Variants in CWC27 observed in about 807,000 individuals in gnomAD.
CWC27 encodes the protein CWC27 spliceosome associated cyclophilin.
CWC27 carries 47 observed loss-of-function variants against 63.6 expected under a neutral mutation model. The observed-to-expected ratio is 0.74, with a 90% confidence interval of 0.58 to 0.94. CWC27 has a LOEUF of 0.94. Ranked by LOEUF, CWC27 falls within the 40% of genes least tolerant of loss-of-function variation. The probability of loss-of-function intolerance (pLI) is 0.00; values close to 1 mark genes in which losing one functional copy is unlikely to be tolerated. For synonymous variants in CWC27, 175 were observed against 179.8 expected (o/e 0.97, Z 0.22); for missense variants, 495 against 554.3 (o/e 0.89, Z 1.07).
intron 11 of CWC27, among the ~76,000 whole-genome samples, chr5:64,952,405 G>T (rs1471444535): frequency 1.3e-5 from 2 of 151,928 alleles, no homozygotes; most frequent in East Asian, 1.9e-4. Context: ...GCCATTTTGT[G>T]CACTAGAAAC....
At chr5:64,840,396 T>TAC (rs1745797212) in intron 10 of CWC27, among the ~76,000 whole-genome samples, 8 of 28,886 alleles carry the variant, frequency 2.8e-4, no homozygotes, top group Admixed American at 7.7e-4. Flanking sequence ...AAAAAAAAAA[T>TAC]ATATATATAT....
chr5:64,916,135 C>T lies in CWC27; in HGVS notation c.1042+30589C>T, dbSNP rs76044786. 6.6e-3 allele frequency among the ~76,000 whole-genome samples: 1,011 copies of T among 152,292 alleles called. 12 individuals are homozygous for T. The highest frequency in any genetic ancestry group is 0.023 in the African/African-American group (950 of 41,568). ...TTAATATGCCCACTAAAGATTTTCC[C>T]GTTCAACAATGAAATTACATTTTAT... On this transcript the variant is annotated intron_variant, in intron 11 of 13. Coordinates refer to ENST00000381070, the MANE Select transcript of CWC27 (RefSeq NM_005869.4).
intron 13 of CWC27, among the ~76,000 whole-genome samples, chr5:64,996,973 CCAAA>C: frequency 6.6e-6 from 1 of 152,066 alleles, no homozygotes; most frequent in South Asian, 2.1e-4. Flanking sequence ...AGTAATAAGG[CCAAA>C]CAAATGACTT....
At chr5:64,776,027 A>G (rs1326139773) in intron 2 of CWC27, among the ~76,000 whole-genome samples, 1 of 150,872 alleles carries the variant, frequency 6.6e-6, no homozygotes, top group Non-Finnish European at 1.5e-5. Context: ...ATACCCAGAT[A>G]CCACCCCCTC....
chr5:64,882,427 A>T (rs528191389), intron 10 of CWC27, among the ~76,000 whole-genome samples: 1 of 152,284 alleles, frequency 6.6e-6, no homozygotes, highest in East Asian at 1.9e-4. Flanking sequence ...GGCTAGTCTC[A>T]ATTGAGATTT....
chr5:64,971,886 T>G, intron 12 of CWC27, 74 bp downstream of exon 12: 1 of 840,958 alleles, frequency 1.2e-6, no homozygotes. Context: ...AAATGGAGCC[T>G]AATTTGATTA....
At chr5:64,847,252 A>G (rs1237847704) in intron 10 of CWC27, among the ~76,000 whole-genome samples, 1 of 152,212 alleles carries the variant, frequency 6.6e-6, no homozygotes, top group Non-Finnish European at 1.5e-5. Flanking sequence ...CATACATAAG[A>G]CAAAGTTGAT....
intron 11 of CWC27, among the ~76,000 whole-genome samples, chr5:64,922,500 A>G (rs1263639192): frequency 1.3e-4 from 20 of 152,030 alleles, no homozygotes. Flanking sequence ...TCTTTCTTTA[A>G]ATGGTTATTT....
chr5:64,940,092 C>T (rs1289742587), intron 11 of CWC27, among the ~76,000 whole-genome samples: 1 of 152,166 alleles, frequency 6.6e-6, no homozygotes, highest in Non-Finnish European at 1.5e-5. Context: ...CCACTTATCT[C>T]CCTGACTTCA....
intron 10 of CWC27, among the ~76,000 whole-genome samples, chr5:64,856,210 ATACT>A (rs1450697045): frequency 1.3e-5 from 2 of 152,092 alleles, no homozygotes; most frequent in Non-Finnish European, 2.9e-5. Context: ...ATCAATATCA[ATACT>A]TATGGACAAT....
chr5:64,823,354 G>A (rs1436210138), intron 10 of CWC27, among the ~76,000 whole-genome samples: 1 of 152,110 alleles, frequency 6.6e-6, no homozygotes, highest in African/African-American at 2.4e-5. Context: ...AATTTGTCAG[G>A]TAATTGACAA....
intron 13 of CWC27, among the ~76,000 whole-genome samples, chr5:65,007,579 CA>C (rs1397370367): frequency 4.0e-5 from 6 of 151,754 alleles, no homozygotes; most frequent in Non-Finnish European, 8.8e-5. Flanking sequence ...TGTATCCTCA[CA>C]TGGTCTTTCT....
chr5:64,905,568 A>G (rs1319482046), intron 11 of CWC27, among the ~76,000 whole-genome samples: 1 of 152,218 alleles, frequency 6.6e-6, no homozygotes, highest in Non-Finnish European at 1.5e-5. Flanking sequence ...TAATTTATGT[A>G]AATTTGAATA....
chr5:65,010,467 A>C (rs1191562985), intron 13 of CWC27, among the ~76,000 whole-genome samples: 1 of 152,226 alleles, frequency 6.6e-6, no homozygotes. Flanking sequence ...TGTAATCCAC[A>C]GTCCCATAGA....
intron 13 of CWC27, among the ~76,000 whole-genome samples, chr5:64,985,084 TATATTA>T (rs1232502789): frequency 6.6e-6 from 1 of 152,230 alleles, no homozygotes; most frequent in Non-Finnish European, 1.5e-5. Context: ...CACAGTTGGC[TATATTA>T]ATATGGGTCT....
chr5:64,794,422 A>G (rs748951911), intron 7 of CWC27, among the ~76,000 whole-genome samples: 1 of 152,162 alleles, frequency 6.6e-6, no homozygotes, highest in Non-Finnish European at 1.5e-5. Context: ...CTGAATAGGT[A>G]TGACATAATA....
At chr5:64,772,631 A>C (rs1366670005) in intron 1 of CWC27, among the ~76,000 whole-genome samples, 14 of 125,868 alleles carry the variant, frequency 1.1e-4, no homozygotes, top group African/African-American at 5.0e-4. Flanking sequence ...TCTCAAAAAA[A>C]AAAAAAAAAA....
At chr5:64,779,652 ACT>A (rs1450583059) in intron 2 of CWC27, among the ~76,000 whole-genome samples, 3 of 152,086 alleles carry the variant, frequency 2.0e-5, no homozygotes, top group Admixed American at 1.3e-4. Flanking sequence ...CCAAAAGAAA[ACT>A]CTGTATCCAT....
At chr5:64,923,818 G>A (rs1042349388) in intron 11 of CWC27, among the ~76,000 whole-genome samples, 58 of 151,286 alleles carry the variant, frequency 3.8e-4, no homozygotes, top group Admixed American at 3.1e-3. Context: ...AACCAGTAGC[G>A]ACCCAAATTA....
Sources: gnomAD v4.1 joint callset for allele counts (sites outside exome capture counted in the v4.1 genomes callset) on GRCh38, gnomAD v4.1.1 for gene constraint, MANE v1.5 for transcripts, NCBI Gene and HGNC (gene_info 2026-07-23, HGNC 2026-07-21) for gene names.